Variants in ULK2 observed in about 807,000 individuals in gnomAD.
ULK2 encodes unc-51 like autophagy activating kinase 2.
A neutral mutation model predicts 127.5 loss-of-function variants in ULK2; 76 were observed. The ratio of observed to expected loss-of-function variants is 0.60; its 90% CI spans 0.50 to 0.72. The LOEUF (loss-of-function observed/expected upper bound fraction) is 0.72, where lower values mean the gene tolerates loss of function less well. ULK2 is among the 30% of genes least tolerant of loss of function. The probability of loss-of-function intolerance (pLI) is 0.00; values close to 1 mark genes in which losing one functional copy is unlikely to be tolerated. For missense variants in ULK2, 1,144 were observed against 1,295.9 expected (o/e 0.88, Z 1.80); for synonymous variants, 452 against 461.9 (o/e 0.98, Z 0.28).
At chr17:19,852,318 A>C (rs2042034916) in intron 3 of ULK2, among the ~76,000 whole-genome samples, 1 of 151,506 alleles carries the variant, frequency 6.6e-6, no homozygotes, top group African/African-American at 2.4e-5. Context: ...TCAGGAGATC[A>C]AGACCATCGT....
At chr17:19,811,890 T>C (rs1299084251) in intron 13 of ULK2, among the ~76,000 whole-genome samples, 4 of 152,212 alleles carry the variant, frequency 2.6e-5, no homozygotes, top group African/African-American at 9.7e-5. Flanking sequence ...TTTTAAGTAA[T>C]ATTCATAGAG....
intron 3 of ULK2, among the ~76,000 whole-genome samples, chr17:19,854,298 A>C (rs1164833037): frequency 6.6e-6 from 1 of 151,836 alleles, no homozygotes. Context: ...AGCACACACA[A>C]AAAAAGGCAT....
intron 7 of ULK2, among the ~76,000 whole-genome samples, chr17:19,844,200 T>C (rs762425396): frequency 1.3e-5 from 2 of 152,192 alleles, no homozygotes; most frequent in South Asian, 4.2e-4. Context: ...TCATCAAATG[T>C]TGCATTTTAA....
chr17:19,840,037 G>C (rs1356259909), intron 9 of ULK2: 2 of 300,918 alleles, frequency 6.6e-6, no homozygotes, highest in East Asian at 1.8e-4. Flanking sequence ...ACAGGGATCT[G>C]ATTAAATAAA....
At chr17:19,798,217 T>C (rs2087317395) in intron 17 of ULK2, among the ~76,000 whole-genome samples, 1 of 152,208 alleles carries the variant, frequency 6.6e-6, no homozygotes, top group Non-Finnish European at 1.5e-5. Flanking sequence ...TTTCTGAGAT[T>C]TTACTTTGTG....
intron 24 of ULK2, 34 bp from the exon 25 acceptor site, chr17:19,780,663 T>C (rs775727869): frequency 1.2e-5 from 19 of 1,573,122 alleles, no homozygotes; most frequent in Non-Finnish European, 1.4e-5. Context: ...CTAATTTTAA[T>C]TTTCCTCCAG....
rs895414975 is a variant in ULK2 at position 19,797,401 on chromosome 17, T to A, written c.1804A>T (p.Thr602Ser). The A allele has an allele frequency of 1.1e-5, 18 of 1,612,212 alleles. No individual in the cohort carries two copies. The highest frequency in any genetic ancestry group is 1.5e-5 in the Non-Finnish European group (18 of 1,179,158). The change falls in exon 18 of 27, where the codon ACT becomes TCT. Residue 602 changes from threonine (T) to serine (S), a missense_variant. Transcript: ENST00000395544. Reference protein sequence around the residue: ...TPLPTIIGSPTKTTAPFKIPK... With the variant: ...TPLPTIIGSPSKTTAPFKIPK... Reference sequence around the variant, plus strand: ...AAAGGGTTTAATAAACAAACCTTAGTAGGAGAGCCAATGATTGTTGGCAAA... The same window carrying A: ...AAAGGGTTTAATAAACAAACCTTAGAAGGAGAGCCAATGATTGTTGGCAAA...
In ULK2 at chr17:19,804,735, G is replaced by A. The variant is rs1375643790; in HGVS notation, c.1253C>T (p.Thr418Ile). 2 of 1,610,026 alleles carry A rather than the reference G, an allele frequency of 1.2e-6. No individual in the cohort carries two copies. The highest frequency in any genetic ancestry group is 2.7e-5 in the African/African-American group (2 of 74,822). ...ATTTGTGCCTGAGCTGGCAGTAGAT[G>A]TAAGATTCTGCTCTATGCGCTGATA... ...RNYQRIEQNL[T>I]STASSGTNVH... Residue 418 changes from threonine (T) to isoleucine (I), a missense_variant, in exon 15 of 27, where the codon ACA (threonine) becomes ATA (isoleucine). By Grantham distance (89) the Thr-to-Ile change is moderately conservative (BLOSUM62 -1). Transcript: ENST00000395544.
chr17:19,818,261 T>C (rs2041045036), intron 12 of ULK2, among the ~76,000 whole-genome samples: 1 of 149,680 alleles, frequency 6.7e-6, no homozygotes, highest in Non-Finnish European at 1.5e-5. Context: ...AGGCGGAGCT[T>C]GCAGTGAGCC....
intron 11 of ULK2, 43 bp downstream of exon 11, chr17:19,826,096 T>C (rs771652524): frequency 8.3e-7 from 1 of 1,203,340 alleles, no homozygotes; most frequent in Non-Finnish European, 1.1e-6. Flanking sequence ...TCCTAAAGCT[T>C]GCATTCATTC....
intron 16 of ULK2, among the ~76,000 whole-genome samples, chr17:19,800,106 A>G (rs2087364764): frequency 6.6e-6 from 1 of 152,180 alleles, no homozygotes; most frequent in Non-Finnish European, 1.5e-5. Flanking sequence ...TCTCAGACCT[A>G]CACCACAGTC....
chr17:19,789,705 T>C (rs1168664211), intron 20 of ULK2, among the ~76,000 whole-genome samples: 1 of 151,876 alleles, frequency 6.6e-6, no homozygotes, highest in Non-Finnish European at 1.5e-5. Context: ...CAGACTGAAA[T>C]AATTAAAAGA....
At chr17:19,812,548 G>A (rs553937113) in intron 13 of ULK2, among the ~76,000 whole-genome samples, 3 of 152,324 alleles carry the variant, frequency 2.0e-5, no homozygotes, top group Admixed American at 6.5e-5. Flanking sequence ...CCTATTTTAT[G>A]AAGTGTTGAA....
chr17:19,777,123 A>G (rs949885593), intron 26 of ULK2, among the ~76,000 whole-genome samples: 1 of 152,158 alleles, frequency 6.6e-6, no homozygotes, highest in African/African-American at 2.4e-5. Context: ...CTAACTACGT[A>G]GAATGGAGTC....
In ULK2 at chr17:19,776,379, C is replaced by T. The variant is rs766344286; in HGVS notation, c.3081G>A (p.Ser1027=). The change falls in exon 27 of 27, where the codon TCG becomes TCA. Residue 1027 remains serine, a synonymous_variant. Coordinates refer to ENST00000395544, the MANE Select transcript of ULK2 (RefSeq NM_014683.4). ...KYKCSIERRL[S]ALCHSTATV is the part of the protein sequence containing the mutation. ...CGGTTGCGGTGCTATGGCAGAGCGC[C>T]GACAGTCTTCTCTCAATACTACATT... The T allele has an allele frequency of 1.0e-5, 16 of 1,604,110 alleles. No homozygotes were observed. Among genetic ancestry groups the T allele is most frequent in the Admixed American group, 3.4e-5 (2 of 58,840 alleles).
chr17:19,787,663 A>C (rs2087063008), intron 20 of ULK2, among the ~76,000 whole-genome samples: 1 of 152,258 alleles, frequency 6.6e-6, no homozygotes, highest in African/African-American at 2.4e-5. Flanking sequence ...TACAAACCAG[A>C]GTAAGATGGC....
intron 10 of ULK2, among the ~76,000 whole-genome samples, chr17:19,832,349 C>T (rs904287309): frequency 6.6e-6 from 1 of 151,480 alleles, no homozygotes; most frequent in South Asian, 2.1e-4. Context: ...CTCACTGTAG[C>T]CTTGACCTCC....
chr17:19,841,429 G>A, intron 9 of ULK2, 60 bp downstream of exon 9: 1 of 1,450,074 alleles, frequency 6.9e-7, no homozygotes, highest in East Asian at 2.3e-5. Context: ...AACACAAACA[G>A]TTCAAATAAA....
intron 10 of ULK2, among the ~76,000 whole-genome samples, chr17:19,833,605 G>A (rs1392202347): frequency 6.6e-6 from 1 of 152,114 alleles, no homozygotes; most frequent in Non-Finnish European, 1.5e-5. Flanking sequence ...AGCTATGCAG[G>A]AGGCTGAGGC....
Sources: gnomAD v4.1 joint callset for allele counts (sites outside exome capture counted in the v4.1 genomes callset) on GRCh38, gnomAD v4.1.1 for gene constraint, MANE v1.5 for transcripts, NCBI Gene and HGNC (gene_info 2026-07-23, HGNC 2026-07-21) for gene names.